The following HCRTR2 variants were observed in gnomAD, a reference collection of about 807,000 sequenced individuals.
HCRTR2 encodes the protein hypocretin receptor 2.
HCRTR2 carries 22 observed loss-of-function variants against 49.0 expected under a neutral mutation model. That is an observed-to-expected ratio of 0.45 (90% CI 0.32 to 0.64). HCRTR2 has a LOEUF of 0.64. Among genes scored for constraint, HCRTR2 ranks in the 30% least tolerant of loss-of-function variants. The probability of loss-of-function intolerance (pLI) is 0.04; values close to 1 mark genes in which losing one functional copy is unlikely to be tolerated. For synonymous variants in HCRTR2, 236 were observed against 205.3 expected (o/e 1.15, Z -1.28); for missense variants, 491 against 559.4 (o/e 0.88, Z 1.23).
chr6:55,163,503 C>A (rs1764835703), intron 1 of HCRTR2, among the ~76,000 whole-genome samples: 1 of 152,078 alleles, frequency 6.6e-6, no homozygotes, highest in Non-Finnish European at 1.5e-5. Context: ...TTTGACAAAC[C>A]TGACAAAAAC....
In HCRTR2 at chr6:55,174,624, C is replaced by G; in HGVS notation, c.37C>G (p.Arg13Gly). ...CAAATTGGAGGACTCCCCCCCTTGT[C>G]GCAACTGGTCATCTGCTTCGGAGCT... Reference protein sequence around the residue: ...GTKLEDSPPCRNWSSASELNE... With the variant: ...GTKLEDSPPCGNWSSASELNE... Residue 13 changes from arginine to glycine, a missense_variant, in exon 1 of 7, where the codon CGC becomes GGC. Physicochemically the swap from Arg to Gly is moderately radical, Grantham distance 125. Transcript: ENST00000370862. 6.2e-7 allele frequency: 1 copy of G among 1,614,002 alleles called. No individual in the cohort carries two copies. Among genetic ancestry groups the G allele is most frequent in the East Asian group, 2.2e-5 (1 of 44,850 alleles).
chr6:55,234,797 G>A (rs1766183583), intron 1 of HCRTR2, among the ~76,000 whole-genome samples: 1 of 152,124 alleles, frequency 6.6e-6, no homozygotes, highest in Non-Finnish European at 1.5e-5. Context: ...CAGTTATGTA[G>A]TAATGGTGAT....
At chr6:55,154,512 T>C (rs1199266612) in intron 1 of HCRTR2, among the ~76,000 whole-genome samples, 1 of 151,600 alleles carries the variant, frequency 6.6e-6, no homozygotes, top group African/African-American at 2.4e-5. Context: ...AAATGAAGGA[T>C]AAAAATCATA....
At chr6:55,252,960 G>A (rs1379926855) in intron 2 of HCRTR2, among the ~76,000 whole-genome samples, 1 of 151,782 alleles carries the variant, frequency 6.6e-6, no homozygotes, top group African/African-American at 2.4e-5. Context: ...TCAACTAACT[G>A]TCCATACAAT....
intron 1 of HCRTR2, among the ~76,000 whole-genome samples, chr6:55,133,658 CTATCATCTATCT>C (rs761157278): frequency 2.2e-5 from 3 of 134,246 alleles, no homozygotes; most frequent in African/African-American, 8.2e-5. Context: ...ATCTATCTAT[CTATCATCTATCT>C]ATCTATCTAT....
rs74914116 is a variant in HCRTR2 at position 55,123,803 on chromosome 6, A to C, written c.-378+17258A>C. Among the ~76,000 whole-genome samples the C allele has an allele frequency of 5.3e-5, 8 of 152,210 alleles. No homozygotes were observed. In the East Asian group the frequency reaches 1.5e-3, roughly 29 times the overall value. Reference sequence around the variant, plus strand: ...ATATTAATTACTGCCTCTATTTCAGAACTTGTAATTGGTCTATTCAGGGAT... The same window carrying C: ...ATATTAATTACTGCCTCTATTTCAGCACTTGTAATTGGTCTATTCAGGGAT... On this transcript the variant is annotated intron_variant, in intron 1 of 7. Transcript: ENST00000615358.
intron 1 of HCRTR2, among the ~76,000 whole-genome samples, chr6:55,215,548 G>A (rs1765772608): frequency 6.6e-6 from 1 of 152,220 alleles, no homozygotes; most frequent in South Asian, 2.1e-4. Context: ...TATAATGGTG[G>A]TGGGTAACTT....
At chr6:55,178,984 T>A (rs951562973) in intron 1 of HCRTR2, among the ~76,000 whole-genome samples, 2 of 152,230 alleles carry the variant, frequency 1.3e-5, no homozygotes, top group Non-Finnish European at 2.9e-5. Context: ...CATACATTGT[T>A]AAAATACATT....
intron 2 of HCRTR2, 111 bp from the exon 3 acceptor site, chr6:55,255,025 C>T (rs1265809152): frequency 8.3e-7 from 1 of 1,207,146 alleles, no homozygotes; most frequent in Non-Finnish European, 1.2e-6. Flanking sequence ...TTTTTGGCAG[C>T]TTTGAATTTG....
chr6:55,214,987 A>G (rs757222236), intron 1 of HCRTR2, among the ~76,000 whole-genome samples: 3 of 152,064 alleles, frequency 2.0e-5, no homozygotes, highest in Admixed American at 6.6e-5. Flanking sequence ...TTTAGAAGAA[A>G]AGGACAGAAA....
chr6:55,281,961 G>T (rs1350753750), intron 6 of HCRTR2, among the ~76,000 whole-genome samples: 1 of 152,094 alleles, frequency 6.6e-6, no homozygotes, highest in African/African-American at 2.4e-5. Flanking sequence ...GTAAATATAT[G>T]AGGTTTGACT....
rs146485924 is a variant in HCRTR2 at position 55,249,401 on chromosome 6, G to A, written c.402+584G>A. 1.0e-3 allele frequency among the ~76,000 whole-genome samples: 152 copies of A among 152,122 alleles called. 1 individual carries two copies. The highest frequency in any genetic ancestry group is 3.4e-3 in the African/African-American group (142 of 41,522). On this transcript the variant is annotated intron_variant, in intron 2 of 6. Transcript: ENST00000370862. Reference sequence around the variant, plus strand: ...TCAAACTACCGGATTTGGAATCTCCGTTCTGCCATTCACCAATTGTATGCT... The same window carrying A: ...TCAAACTACCGGATTTGGAATCTCCATTCTGCCATTCACCAATTGTATGCT...
intron 1 of HCRTR2, among the ~76,000 whole-genome samples, chr6:55,237,829 C>T (rs533196434): frequency 3.9e-5 from 6 of 152,300 alleles, no homozygotes; most frequent in Middle Eastern, 3.4e-3. Flanking sequence ...TTTCGTACTA[C>T]AATATTTAGT....
chr6:55,209,445 A>G lies in HCRTR2; in HGVS notation c.223+34635A>G, dbSNP rs371855664. On this transcript the variant is annotated intron_variant, in intron 1 of 6. Coordinates refer to ENST00000370862, the MANE Select transcript of HCRTR2 (RefSeq NM_001384272.1). ...ATTGTTTTGGTTTTTGTTTTTCCCC[A>G]TAAGCTGATCTCAGAAACTTTTCCT... Among the ~76,000 whole-genome samples the G allele has an allele frequency of 1.6e-4, 25 of 152,314 alleles. 1 individual carries two copies. In the East Asian group the frequency reaches 2.1e-3, roughly 13 times the overall value.
intron 1 of HCRTR2, among the ~76,000 whole-genome samples, chr6:55,206,017 T>A (rs946435666): frequency 3.3e-5 from 5 of 152,122 alleles, no homozygotes; most frequent in East Asian, 1.9e-4. Context: ...TATGATTTTT[T>A]AAAATTTGTT....
intron 1 of HCRTR2, among the ~76,000 whole-genome samples, chr6:55,119,713 G>T (rs908530039): frequency 6.6e-6 from 1 of 150,660 alleles, no homozygotes; most frequent in Non-Finnish European, 1.5e-5. Flanking sequence ...CTCCCATTCT[G>T]TAGGTTGCCT....
upstream of HCRTR2, among the ~76,000 whole-genome samples, chr6:55,170,774 TTCCTGTGTCC>T (rs1764938555): frequency 8.4e-6 from 1 of 118,548 alleles, no homozygotes; most frequent in African/African-American, 3.3e-5. Flanking sequence ...GATGTTCCCC[TTCCTGTGTCC>T]AGGTGTTCTC....
At chr6:55,110,180 C>T (rs1472743475) in intron 1 of HCRTR2, among the ~76,000 whole-genome samples, 1 of 151,988 alleles carries the variant, frequency 6.6e-6, no homozygotes, top group Non-Finnish European at 1.5e-5. Context: ...GAGAATTCGC[C>T]ACTATCAAGC....
At chr6:55,116,050 T>G (rs1764111691) in intron 1 of HCRTR2, among the ~76,000 whole-genome samples, 2 of 151,716 alleles carry the variant, frequency 1.3e-5, no homozygotes, top group Admixed American at 1.3e-4. Flanking sequence ...TCTCAAGACA[T>G]TTCCATTTTT....
Sources: allele counts gnomAD v4.1 joint callset (sites outside exome capture counted in the v4.1 genomes callset), GRCh38; gene constraint gnomAD v4.1.1; transcripts MANE v1.5; gene names NCBI Gene and HGNC (gene_info 2026-07-23, HGNC 2026-07-21).